Variants in MOB1B observed in about 807,000 individuals in gnomAD.
MOB1B encodes the protein MOB kinase activator 1B.
MOB1B carries 19 observed loss-of-function variants against 24.4 expected under a neutral mutation model. The ratio of observed to expected loss-of-function variants is 0.78; its 90% CI spans 0.54 to 1.14. MOB1B has a LOEUF of 1.14. Ranked by LOEUF, MOB1B falls within the 50% of genes most tolerant of loss-of-function variation. MOB1B has a pLI of 0.00. For missense variants in MOB1B, 243 were observed against 259.6 expected (o/e 0.94, Z 0.44); for synonymous variants, 76 against 82.1 (o/e 0.93, Z 0.40).
At chr4:70,973,139 A>G (rs1480014459) in intron 3 of MOB1B, among the ~76,000 whole-genome samples, 2 of 152,178 alleles carry the variant, frequency 1.3e-5, no homozygotes, top group Non-Finnish European at 2.9e-5. Flanking sequence ...ATACTTCAGG[A>G]TATTGAAAAT....
chr4:70,932,637 A>G (rs1258667097), intron 1 of MOB1B, among the ~76,000 whole-genome samples: 2 of 152,142 alleles, frequency 1.3e-5, no homozygotes, highest in Non-Finnish European at 2.9e-5. Flanking sequence ...TTGCAGTGTG[A>G]TTCCAGAGCC....
At chr4:70,966,009 C>T (rs1163065673) in intron 2 of MOB1B, among the ~76,000 whole-genome samples, 1 of 151,892 alleles carries the variant, frequency 6.6e-6, no homozygotes, top group African/African-American at 2.4e-5. Context: ...AGTAGTATTT[C>T]CATGAAACAA....
intron 1 of MOB1B, among the ~76,000 whole-genome samples, chr4:70,922,444 C>T (rs941226000): frequency 7.9e-5 from 12 of 151,892 alleles, no homozygotes; most frequent in Non-Finnish European, 1.5e-4. Context: ...CAGGACAATT[C>T]GAGGTGGGGA....
chr4:70,979,388 C>A, intron 5 of MOB1B, 97 bp downstream of exon 5: 1 of 947,568 alleles, frequency 1.1e-6, no homozygotes, highest in Non-Finnish European at 1.6e-6. Context: ...ATGGAATTTG[C>A]CATATCTCTG....
chr4:70,946,827 A>AT lies in MOB1B; in HGVS notation c.15-12047_15-12046insT, dbSNP rs1737603316. ...AAGATGAAACAGAAGGGGAAGGAAAAAAAAGGAGGGAGGGTAGGCAGTGAG... is the reference window on the plus strand; with the variant it reads ...AAGATGAAACAGAAGGGGAAGGAAAATAAAAGGAGGGAGGGTAGGCAGTGAG... On this transcript the variant is annotated intron_variant, in intron 1 of 5. Transcript: ENST00000309395. Among the ~76,000 whole-genome samples, 7 of 152,106 alleles carry AT rather than the reference A, an allele frequency of 4.6e-5. No homozygotes were observed. The South Asian group carries it at 1.5e-3, about 32-fold the overall frequency.
intron 1 of MOB1B, among the ~76,000 whole-genome samples, chr4:70,936,985 C>A (rs2148882432): frequency 6.6e-6 from 1 of 152,092 alleles, no homozygotes; most frequent in Admixed American, 6.5e-5. Flanking sequence ...GGTGAGATCT[C>A]AGCTCACTGC....
chr4:70,971,208 A>G (rs1738739215), intron 3 of MOB1B, among the ~76,000 whole-genome samples: 1 of 152,212 alleles, frequency 6.6e-6, no homozygotes, highest in Non-Finnish European at 1.5e-5. Context: ...CCTTTAAAAA[A>G]TAATGTGGTT....
intron 3 of MOB1B, among the ~76,000 whole-genome samples, chr4:70,974,243 C>T (rs1053552447): frequency 6.6e-6 from 1 of 151,986 alleles, no homozygotes; most frequent in Non-Finnish European, 1.5e-5. Context: ...CAACCTCCTC[C>T]TCCCTGGTTC....
At chr4:70,956,236 AGT>A (rs1233665079) in intron 1 of MOB1B, among the ~76,000 whole-genome samples, 3 of 151,832 alleles carry the variant, frequency 2.0e-5, no homozygotes, top group Non-Finnish European at 4.4e-5. Flanking sequence ...TAATCTAATG[AGT>A]GTTTTTATTT....
chr4:70,923,910 G>T (rs1342884525), intron 1 of MOB1B, among the ~76,000 whole-genome samples: 4 of 132,726 alleles, frequency 3.0e-5, no homozygotes, highest in African/African-American at 1.2e-4. Flanking sequence ...TCGCACCACT[G>T]CACTCCAGCC....
chr4:70,981,807 G>GT (rs1739221681), intron 5 of MOB1B, among the ~76,000 whole-genome samples, 173 bp from the exon 6 acceptor site: 1 of 152,182 alleles, frequency 6.6e-6, no homozygotes, highest in African/African-American at 2.4e-5. Context: ...CATAACATCA[G>GT]GAGTGCTTAA....
Position 70,958,992 on chromosome 4 carries a change from G to A in MOB1B, c.133G>A (p.Val45Ile). 2.5e-6 allele frequency: 4 copies of A among 1,614,174 alleles called. No individual in the cohort carries two copies. Among genetic ancestry groups the A allele is most frequent in the Non-Finnish European group, 3.4e-6 (4 of 1,180,024 alleles). ...TGGCAGTGGCAACCTTCGGATGGCT[G>A]TCATGCTTCCTGAAGGGGAAGATCT... ...TLGSGNLRMA[V>I]MLPEGEDLNE... The change falls in exon 2 of 6, where the codon GTC becomes ATC. Residue 45 changes from valine (V) to isoleucine (I), a missense_variant. Val to Ile is a conservative substitution (Grantham distance 29). Coordinates refer to ENST00000309395, the MANE Select transcript of MOB1B (RefSeq NM_173468.4).
At chr4:70,976,312 A>G in intron 4 of MOB1B, 1 of 985,050 alleles carries the variant, frequency 1.0e-6, no homozygotes, top group Non-Finnish European at 1.2e-6. Flanking sequence ...GGAAGTTCAT[A>G]TGGCTTCTAT....
intron 2 of MOB1B, among the ~76,000 whole-genome samples, chr4:70,962,868 G>A (rs1738360775): frequency 6.6e-6 from 1 of 152,050 alleles, no homozygotes; most frequent in African/African-American, 2.4e-5. Context: ...GCCAGGCATG[G>A]TGGTGTATCC....
intron 1 of MOB1B, among the ~76,000 whole-genome samples, chr4:70,918,176 C>T (rs1736269018): frequency 6.6e-6 from 1 of 152,154 alleles, no homozygotes; most frequent in South Asian, 2.1e-4. Flanking sequence ...CCCTCTGATC[C>T]ATCCACAAAG....
intron 1 of MOB1B, among the ~76,000 whole-genome samples, chr4:70,927,547 A>AG (rs1578359006): frequency 6.6e-6 from 1 of 152,148 alleles, no homozygotes; most frequent in African/African-American, 2.4e-5. Context: ...CTCAAAAAAA[A>AG]AAAAATTGCC....
intron 4 of MOB1B, 130 bp downstream of exon 4, chr4:70,975,416 C>A: frequency 2.9e-6 from 4 of 1,388,744 alleles, no homozygotes; most frequent in Non-Finnish European, 3.7e-6. Context: ...GTATATGTTA[C>A]GCAGTTCCCA....
At chr4:70,920,612 A>G (rs1736394677) in intron 1 of MOB1B, among the ~76,000 whole-genome samples, 1 of 152,230 alleles carries the variant, frequency 6.6e-6, no homozygotes, top group African/African-American at 2.4e-5. Context: ...GCACAGAGAA[A>G]GAAGCCAGAT....
chr4:70,963,648 C>T (rs995952747), intron 2 of MOB1B, among the ~76,000 whole-genome samples: 1 of 151,566 alleles, frequency 6.6e-6, no homozygotes, highest in Non-Finnish European at 1.5e-5. Flanking sequence ...GGCAAATCTC[C>T]ATCTCTACCA....
Sources: gnomAD v4.1 joint callset for allele counts (sites outside exome capture counted in the v4.1 genomes callset) on GRCh38, gnomAD v4.1.1 for gene constraint, MANE v1.5 for transcripts, NCBI Gene and HGNC (gene_info 2026-07-23, HGNC 2026-07-21) for gene names.